Variants in HDAC9 observed in about 807,000 individuals in gnomAD.
HDAC9 encodes the protein MEF-2 interacting transcription repressor (MITR) protein.
In HDAC9, 41 loss-of-function variants were observed where a neutral mutation model predicts 139.4. The observed-to-expected ratio is 0.29, with a 90% CI of 0.23 to 0.38. The LOEUF (loss-of-function observed/expected upper bound fraction) is 0.38, where lower values mean the gene tolerates loss of function less well. Ranked by LOEUF, HDAC9 falls within the 10% of genes least tolerant of loss-of-function variation. The pLI, the probability that HDAC9 is intolerant of heterozygous loss-of-function variation, is 1.00. For missense variants in HDAC9, 1,147 were observed against 1,297.0 expected, an observed-to-expected ratio of 0.88 and a Z score of 1.78; for synonymous variants, 517 against 476.2, an observed-to-expected ratio of 1.09 and a Z score of -1.12.
At chr7:18,929,821 T>C (rs1429722038) in intron 22 of HDAC9, among the ~76,000 whole-genome samples, 1 of 151,848 alleles carries the variant, frequency 6.6e-6, no homozygotes, top group African/African-American at 2.4e-5. Flanking sequence ...ACGCCTGTAG[T>C]CCAGCTACTC....
chr7:18,834,742 T>G (rs555344751), intron 19 of HDAC9, among the ~76,000 whole-genome samples: 1 of 152,338 alleles, frequency 6.6e-6, no homozygotes, highest in African/African-American at 2.4e-5. Flanking sequence ...GTTACCGTTT[T>G]ATCAAAATGA....
intron 1 of HDAC9, among the ~76,000 whole-genome samples, chr7:18,093,928 TC>T (rs1298304257): frequency 1.3e-5 from 2 of 152,174 alleles, no homozygotes; most frequent in African/African-American, 2.4e-5. Context: ...TTGGCCCAGA[TC>T]CCCTTGCTGC....
intron 2 of HDAC9, among the ~76,000 whole-genome samples, chr7:18,267,387 G>C (rs1796073466): frequency 6.6e-6 from 1 of 151,938 alleles, no homozygotes; most frequent in South Asian, 2.1e-4. Context: ...TAGATCTCTT[G>C]AACTTATTCC....
intron 25 of HDAC9, among the ~76,000 whole-genome samples, chr7:18,984,330 G>C (rs569260802): frequency 6.6e-6 from 1 of 152,270 alleles, no homozygotes; most frequent in East Asian, 1.9e-4. Context: ...AGTTGGGGGT[G>C]CCACAGAGTT....
chr7:18,768,355 C>G (rs1790003890), intron 16 of HDAC9, among the ~76,000 whole-genome samples: 2 of 152,128 alleles, frequency 1.3e-5, no homozygotes, highest in Admixed American at 1.3e-4. Context: ...ACAATCTAGT[C>G]TCAGCTTCCC....
chr7:18,399,934 T>C (rs903710409), intron 1 of HDAC9, among the ~76,000 whole-genome samples: 1 of 152,300 alleles, frequency 6.6e-6, no homozygotes, highest in African/African-American at 2.4e-5. Flanking sequence ...ACAGCAGCAA[T>C]GTATGCTTAG....
intron 21 of HDAC9, among the ~76,000 whole-genome samples, chr7:18,867,318 G>C (rs74409405): frequency 6.0e-4 from 92 of 152,214 alleles, no homozygotes; most frequent in African/African-American, 2.1e-3. Flanking sequence ...ATTCTCCTAC[G>C]ATGGCATATC....
At chr7:18,180,794 A>G (rs1789360474) in intron 2 of HDAC9, among the ~76,000 whole-genome samples, 2 of 152,342 alleles carry the variant, frequency 1.3e-5, no homozygotes, top group Middle Eastern at 3.4e-3. Flanking sequence ...TCACAGTTCC[A>G]GAAGCCAGAA....
intron 1 of HDAC9, among the ~76,000 whole-genome samples, chr7:18,309,397 A>G (rs1754378260): frequency 6.6e-6 from 1 of 152,196 alleles, no homozygotes; most frequent in Non-Finnish European, 1.5e-5. Flanking sequence ...GATACTATTT[A>G]AAATATTTTG....
intron 1 of HDAC9, among the ~76,000 whole-genome samples, chr7:18,345,924 C>T (rs17419003): frequency 0.021 from 3,264 of 152,086 alleles, 66 homozygotes; most frequent in Non-Finnish European, 0.028. Context: ...TTCAAGGAGC[C>T]GCATGTATAG....
intron 22 of HDAC9, among the ~76,000 whole-genome samples, chr7:18,883,851 TATA>T (rs1467506981): frequency 6.6e-6 from 1 of 152,026 alleles, no homozygotes; most frequent in Non-Finnish European, 1.5e-5. Context: ...ACTTGCAGAA[TATA>T]ATATTAACAT....
intron 13 of HDAC9, among the ~76,000 whole-genome samples, chr7:18,748,747 C>G (rs1334112419): frequency 6.6e-6 from 1 of 152,164 alleles, no homozygotes; most frequent in Non-Finnish European, 1.5e-5. Flanking sequence ...ATGTCATCAT[C>G]TTCATCACTT....
chr7:18,910,066 A>T (rs1802611353), intron 22 of HDAC9, among the ~76,000 whole-genome samples: 1 of 151,900 alleles, frequency 6.6e-6, no homozygotes, highest in South Asian at 2.1e-4. Context: ...GTCCCCAACT[A>T]TTGTTGTATT....
chr7:18,342,718 C>A (rs915713021), intron 1 of HDAC9, among the ~76,000 whole-genome samples: 2 of 151,744 alleles, frequency 1.3e-5, no homozygotes, highest in Admixed American at 6.6e-5. Context: ...TTGCAAACAC[C>A]CAATAAATTA....
At chr7:18,361,010 A>T (rs191462895) in intron 1 of HDAC9, among the ~76,000 whole-genome samples, 104 of 152,322 alleles carry the variant, frequency 6.8e-4, no homozygotes, top group African/African-American at 2.4e-3. Context: ...TCAGTTCATT[A>T]AGCTTCTTCC....
chr7:18,716,855 G>T (rs1007979810), intron 12 of HDAC9, among the ~76,000 whole-genome samples: 9 of 152,186 alleles, frequency 5.9e-5, no homozygotes, highest in African/African-American at 2.2e-4. Flanking sequence ...TGCTTCTGTT[G>T]GTGATACTTC....
chr7:18,785,348 C>G (rs2078869), intron 16 of HDAC9, among the ~76,000 whole-genome samples: 2 of 151,418 alleles, frequency 1.3e-5, no homozygotes, highest in African/African-American at 4.9e-5. Context: ...AACCATGCAT[C>G]GTAGGATGCG....
In HDAC9 at chr7:18,435,659, TG is replaced by T. The variant is rs556658744; in HGVS notation, c.-41-60598del. On this transcript the variant is annotated intron_variant, in intron 1 of 3. Coordinates refer to the HDAC9 transcript ENST00000413509. ...TGTTATGTAGGTAAATTGCATGTCT[TG>T]GGGGTTTGGTGTACAGATTATTTAG... Among the ~76,000 whole-genome samples the T allele has an allele frequency of 2.3e-3, 344 of 151,168 alleles. 1 individual carries two copies. The highest frequency in any genetic ancestry group is 8.0e-3 in the African/African-American group (332 of 41,460).
chr7:18,464,171 G>T (rs527870937), intron 1 of HDAC9, among the ~76,000 whole-genome samples: 1 of 151,830 alleles, frequency 6.6e-6, no homozygotes, highest in Non-Finnish European at 1.5e-5. Flanking sequence ...CTTTTGGTTA[G>T]TGTTTGCATA....
Sources: allele counts gnomAD v4.1 joint callset (sites outside exome capture counted in the v4.1 genomes callset), GRCh38; gene constraint gnomAD v4.1.1; transcripts MANE v1.5; gene names NCBI Gene and HGNC (gene_info 2026-07-23, HGNC 2026-07-21).